ZBED6: variants seen among roughly 807,000 people sequenced by gnomAD.
ZBED6 encodes zinc finger BED domain-containing protein 6.
In ZBED6, 40 loss-of-function variants were observed where a neutral mutation model predicts 58.4. That is an observed-to-expected ratio of 0.68 (90% confidence interval 0.53 to 0.89). The LOEUF (loss-of-function observed/expected upper bound fraction) is 0.89, where lower values mean the gene tolerates loss of function less well. ZBED6 is among the 40% of genes least tolerant of loss of function. ZBED6 has a pLI of 0.00. For synonymous variants in ZBED6, 439 were observed against 350.6 expected (o/e 1.25, Z -2.82); for missense variants, 1,057 against 1,003.9 (o/e 1.05, Z -0.71).
At chr1:203,814,677 G>A (rs12142864) in intron 1 of ZBED6, among the ~76,000 whole-genome samples, 74,072 of 151,926 alleles carry the variant, frequency 0.49, 18,628 homozygotes, top group Non-Finnish European at 0.53. Flanking sequence ...TACCTCAAAA[G>A]TCTTCCAGCC....
exon 17 of ZBED6, chr1:203,852,432 C>G (rs909652446): frequency 6.2e-7 from 1 of 1,601,248 alleles, no homozygotes; most frequent in African/African-American, 1.4e-5. Context: ...AAAAAAAAAT[C>G]GCCAAAAAAC....
At chr1:203,816,474 A>T (rs1006376427) in intron 1 of ZBED6, among the ~76,000 whole-genome samples, 27 of 152,154 alleles carry the variant, frequency 1.8e-4, no homozygotes, top group East Asian at 9.7e-4. Flanking sequence ...AATTTTTTTT[A>T]AAAAATTAGC....
chr1:203,850,712 A>T, intron 15 of ZBED6, 31 bp downstream of exon 15: 1 of 1,602,710 alleles, frequency 6.2e-7, no homozygotes, highest in Non-Finnish European at 8.5e-7. Context: ...GTGGTGCTTT[A>T]TTCTGTGTGG....
intron 9 of ZBED6, among the ~76,000 whole-genome samples, chr1:203,836,771 G>A (rs145171725): frequency 1.6e-4 from 24 of 152,210 alleles, no homozygotes; most frequent in East Asian, 5.8e-4. Context: ...ATGAGACTCC[G>A]TCTCAGAAAG....
chr1:203,804,195 A>G (rs1571920570), intron 1 of ZBED6, among the ~76,000 whole-genome samples: 1 of 137,330 alleles, frequency 7.3e-6, no homozygotes, highest in East Asian at 2.1e-4. Context: ...TCTGTCGCCC[A>G]GGCTGGAGTG....
intron 1 of ZBED6, among the ~76,000 whole-genome samples, chr1:203,813,469 T>A (rs1675210847): frequency 1.3e-5 from 2 of 152,334 alleles, no homozygotes; most frequent in South Asian, 4.1e-4. Context: ...AAAGTCTGTG[T>A]CTAAAATTAT....
intron 1 of ZBED6, among the ~76,000 whole-genome samples, chr1:203,810,149 G>GTTT (rs1315810818): frequency 6.9e-6 from 1 of 144,408 alleles, no homozygotes; most frequent in Non-Finnish European, 1.5e-5. Context: ...TTTGTTTTTT[G>GTTT]TTTTTTTTTT....
At chr1:203,806,208 G>C in intron 1 of ZBED6, 1 of 430,526 alleles carries the variant, frequency 2.3e-6, no homozygotes, top group Non-Finnish European at 4.5e-6. Context: ...TGCCAATGCA[G>C]TCATTCAGGC....
intron 1 of ZBED6, among the ~76,000 whole-genome samples, chr1:203,816,351 G>A (rs1448000901): frequency 1.4e-4 from 22 of 152,180 alleles, no homozygotes; most frequent in Admixed American, 1.4e-3. Flanking sequence ...CAGGCTGGGC[G>A]GGATGGCTCA....
At chr1:203,799,795 T>C in exon 1 of ZBED6, 1 of 1,226,124 alleles carries the variant, frequency 8.2e-7, no homozygotes, top group Non-Finnish European at 1.2e-6. Flanking sequence ...CTAAGTGCCA[T>C]GCTTAAATCC....
exon 1 of ZBED6, chr1:203,799,891 C>G (rs1669996594): frequency 1.3e-6 from 2 of 1,535,926 alleles, no homozygotes; most frequent in Non-Finnish European, 1.7e-6. Flanking sequence ...GATTTAGAAA[C>G]TTATAAGCAG....
chr1:203,850,051 G>A, intron 14 of ZBED6, 25 bp downstream of exon 14: 1 of 1,596,724 alleles, frequency 6.3e-7, no homozygotes, highest in South Asian at 1.1e-5. Flanking sequence ...ACTGTGTATT[G>A]CTTTAGGTTA....
exon 1 of ZBED6, chr1:203,796,857 A>G (rs1157590471): frequency 6.2e-6 from 1 of 160,394 alleles, no homozygotes; most frequent in Non-Finnish European, 1.4e-5. Flanking sequence ...CCAGCCACTC[A>G]CATTTTAAAA....
At chr1:203,827,984 G>A (rs1681110018) in intron 3 of ZBED6, among the ~76,000 whole-genome samples, 1 of 152,162 alleles carries the variant, frequency 6.6e-6, no homozygotes, top group Admixed American at 6.5e-5. Flanking sequence ...TAGAGATTCA[G>A]ACCGTTATCT....
chr1:203,800,249 C>T, exon 1 of ZBED6: 1 of 1,175,728 alleles, frequency 8.5e-7, no homozygotes, highest in Non-Finnish European at 1.2e-6. Flanking sequence ...TAAGTTGCCC[C>T]ATGTGTAGTT....
chr1:203,798,444 C>T lies in ZBED6; in HGVS notation c.922C>T (p.Arg308Ter), dbSNP rs1363306555. 6.5e-6 allele frequency: 10 copies of T among 1,535,708 alleles called. No homozygotes were observed. The highest frequency in any genetic ancestry group is 2.4e-5 in the East Asian group (1 of 40,922). ...CCACTTAGGGACTTCAACACTTCAACGACACCTGCAAGCCACACATCCTAT... is the reference window on the plus strand; with the variant it reads ...CCACTTAGGGACTTCAACACTTCAATGACACCTGCAAGCCACACATCCTAT... The change falls in exon 1 of 17, where the codon CGA becomes TGA. Residue 308 changes from arginine to a stop codon, truncating the protein, a stop_gained. Transcript: ENST00000550078. LOFTEE classifies it high-confidence loss of function.
At chr1:203,836,690 C>T (rs920751847) in intron 9 of ZBED6, among the ~76,000 whole-genome samples, 3 of 152,174 alleles carry the variant, frequency 2.0e-5, no homozygotes, top group Admixed American at 6.5e-5. Flanking sequence ...GTAGGAGAAT[C>T]GCTTGAACCC....
At chr1:203,827,000 AACTACTCT>A (rs1680738884) in intron 3 of ZBED6, among the ~76,000 whole-genome samples, 1 of 152,126 alleles carries the variant, frequency 6.6e-6, no homozygotes, top group South Asian at 2.1e-4. Context: ...TCAGCATCCC[AACTACTCT>A]ACCATGGAGA....
chr1:203,818,957 T>C (rs1159847089), intron 3 of ZBED6, among the ~76,000 whole-genome samples: 1 of 151,118 alleles, frequency 6.6e-6, no homozygotes, highest in Non-Finnish European at 1.5e-5. Context: ...TAATTCCAGC[T>C]ACTCGGGAGG....
Sources: gnomAD v4.1 joint callset for allele counts (sites outside exome capture counted in the v4.1 genomes callset) on GRCh38, gnomAD v4.1.1 for gene constraint, MANE v1.5 for transcripts, NCBI Gene and HGNC (gene_info 2026-07-23, HGNC 2026-07-21) for gene names.